The following DLG2 variants were observed in gnomAD, a reference collection of about 807,000 sequenced individuals.
DLG2 encodes the protein disks large homolog 2.
Under a neutral mutation model 132.5 loss-of-function variants are expected in DLG2, and 45 were observed. The observed-to-expected ratio is 0.34, with a 90% CI of 0.27 to 0.44. The LOEUF (loss-of-function observed/expected upper bound fraction) is 0.44, where lower values mean the gene tolerates loss of function less well. DLG2 is among the 20% of genes least tolerant of loss of function. DLG2 has a pLI of 1.00. For synonymous variants in DLG2, 424 were observed against 419.6 expected, an observed-to-expected ratio of 1.01 and a Z score of -0.13; for missense variants, 1,045 against 1,196.9, an observed-to-expected ratio of 0.87 and a Z score of 1.87.
At chr11:84,509,416 G>A (rs1262594467) in intron 7 of DLG2, among the ~76,000 whole-genome samples, 6 of 152,216 alleles carry the variant, frequency 3.9e-5, no homozygotes, top group East Asian at 3.9e-4. Context: ...ATAAATTAAT[G>A]TAAAAAACTA....
chr11:83,821,794 T>C (rs1347576112), intron 17 of DLG2, among the ~76,000 whole-genome samples: 2 of 151,926 alleles, frequency 1.3e-5, no homozygotes, highest in South Asian at 2.1e-4. Context: ...TATACATGTA[T>C]ATGAATTGCT....
intron 7 of DLG2, among the ~76,000 whole-genome samples, chr11:84,339,508 G>C (rs1195596919): frequency 2.0e-5 from 3 of 152,086 alleles, no homozygotes. Flanking sequence ...GAAAATCCTA[G>C]AGCAGAGAAT....
intron 3 of DLG2, among the ~76,000 whole-genome samples, chr11:85,557,461 A>G (rs186339137): frequency 3.9e-5 from 6 of 151,984 alleles, no homozygotes; most frequent in Admixed American, 6.6e-5. Context: ...ACTATCCTAA[A>G]ATTCATACAG....
chr11:84,826,156 T>C (rs571743244), intron 6 of DLG2, among the ~76,000 whole-genome samples: 2 of 152,026 alleles, frequency 1.3e-5, no homozygotes, highest in East Asian at 3.9e-4. Context: ...TTAGGTTAAA[T>C]ACGGTACCCA....
intron 6 of DLG2, among the ~76,000 whole-genome samples, chr11:84,813,181 CACACACACACAT>C (rs1378796458): frequency 1.3e-5 from 2 of 152,036 alleles, no homozygotes; most frequent in Admixed American, 1.3e-4. Flanking sequence ...TACATACACA[CACACACACACAT>C]ACACACACAC....
At chr11:83,778,052 G>A (rs917024925) in intron 18 of DLG2, among the ~76,000 whole-genome samples, 1 of 152,134 alleles carries the variant, frequency 6.6e-6, no homozygotes, top group Admixed American at 6.5e-5. Context: ...TAAAGTTGAG[G>A]ACTGACAAAT....
chr11:85,478,724 T>C (rs1324181415), intron 3 of DLG2, among the ~76,000 whole-genome samples: 4 of 152,230 alleles, frequency 2.6e-5, no homozygotes, highest in South Asian at 2.1e-4. Context: ...ATGATGGTGG[T>C]TCTACCTCTC....
chr11:84,102,125 T>C (rs2092579059), intron 9 of DLG2, among the ~76,000 whole-genome samples: 1 of 152,180 alleles, frequency 6.6e-6, no homozygotes, highest in Non-Finnish European at 1.5e-5. Context: ...CGGTGTCTGC[T>C]CAAATTAATA....
intron 11 of DLG2, among the ~76,000 whole-genome samples, chr11:84,022,065 T>C (rs1361733673): frequency 1.3e-5 from 2 of 152,122 alleles, no homozygotes; most frequent in Non-Finnish European, 2.9e-5. Flanking sequence ...CGCTTCTTAC[T>C]GAACACATCA....
chr11:84,428,222 T>C (rs1168265193), intron 7 of DLG2, among the ~76,000 whole-genome samples: 1 of 152,176 alleles, frequency 6.6e-6, no homozygotes, highest in African/African-American at 2.4e-5. Flanking sequence ...CTTCAAAAGA[T>C]TGAGTGGTGT....
intron 3 of DLG2, among the ~76,000 whole-genome samples, chr11:85,463,574 T>C (rs2092684132): frequency 6.6e-6 from 1 of 151,974 alleles, no homozygotes; most frequent in Admixed American, 6.6e-5. Context: ...AGGCCAGGAG[T>C]ATGAGACCAA....
chr11:84,916,335 C>G (rs1311165697), intron 6 of DLG2, among the ~76,000 whole-genome samples: 2 of 98,350 alleles, frequency 2.0e-5, no homozygotes, highest in South Asian at 3.8e-4. Context: ...GGCGACAGAG[C>G]GAGACTCCGT....
intron 6 of DLG2, among the ~76,000 whole-genome samples, chr11:85,032,606 A>C (rs2061104115): frequency 6.6e-6 from 1 of 152,220 alleles, no homozygotes; most frequent in African/African-American, 2.4e-5. Flanking sequence ...TTACAAAGGC[A>C]TGAAATTCTA....
chr11:85,216,148 C>A (rs1165935731), intron 4 of DLG2, among the ~76,000 whole-genome samples: 2 of 152,018 alleles, frequency 1.3e-5, no homozygotes, highest in Non-Finnish European at 2.9e-5. Flanking sequence ...GAAACCTCAT[C>A]TCAAAAAATA....
At chr11:83,867,875 A>ATGAC (rs1363850163) in intron 16 of DLG2, among the ~76,000 whole-genome samples, 2 of 152,156 alleles carry the variant, frequency 1.3e-5, no homozygotes, top group African/African-American at 4.8e-5. Context: ...GATTGCTGTG[A>ATGAC]TGACACCTTT....
chr11:85,062,077 A>T (rs2064203041), intron 6 of DLG2, among the ~76,000 whole-genome samples: 1 of 151,888 alleles, frequency 6.6e-6, no homozygotes, highest in Non-Finnish European at 1.5e-5. Context: ...GTAAATAGGC[A>T]AGGGTTTCTC....
At chr11:84,843,281 T>C (rs1267530549) in intron 6 of DLG2, among the ~76,000 whole-genome samples, 1 of 147,114 alleles carries the variant, frequency 6.8e-6, no homozygotes, top group Non-Finnish European at 1.5e-5. Flanking sequence ...TACACCTTAA[T>C]AGTACTGTTA....
At chr11:83,911,043 A>G (rs1016806893) in intron 15 of DLG2, among the ~76,000 whole-genome samples, 1 of 152,186 alleles carries the variant, frequency 6.6e-6, no homozygotes, top group African/African-American at 2.4e-5. Context: ...GCAAAACATG[A>G]TATGACTCCA....
intron 6 of DLG2, among the ~76,000 whole-genome samples, chr11:84,695,920 G>T (rs1280748548): frequency 1.3e-5 from 2 of 151,402 alleles, no homozygotes; most frequent in Non-Finnish European, 3.0e-5. Flanking sequence ...CCTATACTAG[G>T]CTGTCTGCTC....
Sources: gnomAD v4.1 joint callset for allele counts (sites outside exome capture counted in the v4.1 genomes callset) on GRCh38, gnomAD v4.1.1 for gene constraint, MANE v1.5 for transcripts, NCBI Gene and HGNC (gene_info 2026-07-23, HGNC 2026-07-21) for gene names.